Variants in LRP12 observed in about 807,000 individuals in gnomAD.
The protein encoded by LRP12 is low-density lipoprotein receptor-related protein 12.
In LRP12, 14 loss-of-function variants were observed where a neutral mutation model predicts 66.0. That is an observed-to-expected ratio of 0.21 (90% CI 0.14 to 0.33). The LOEUF is 0.33. Ranked by LOEUF, LRP12 falls within the 10% of genes least tolerant of loss-of-function variation. LRP12 has a pLI of 1.00. For missense variants in LRP12, 889 were observed against 1,053.4 expected (o/e 0.84, Z 2.16); for synonymous variants, 357 against 359.1 (o/e 0.99, Z 0.07).
intron 1 of LRP12, among the ~76,000 whole-genome samples, chr8:104,554,875 A>G (rs555583893): frequency 1.3e-5 from 2 of 152,318 alleles, no homozygotes; most frequent in African/African-American, 4.8e-5. Flanking sequence ...CTGTGAGGCA[A>G]AAGCATCAGG....
In LRP12 at chr8:104,548,188, A is replaced by ATAATATG. The variant is rs1554709908; in HGVS notation, c.80-16226_80-16225insCATATTA. ...TTATATATAATATAATATATAATATATATATAAATATATGATATATTTATA... is the reference window on the plus strand; with the variant it reads ...TTATATATAATATAATATATAATATATAATATGTATATAAATATATGATATATTTATA... On this transcript the variant is annotated intron_variant, in intron 1 of 6. Transcript: ENST00000276654. 2.2e-4 allele frequency among the ~76,000 whole-genome samples: 22 copies of ATAATATG among 102,092 alleles called. 1 individual carries two copies. The highest frequency in any genetic ancestry group is 1.0e-3 in the African/African-American group (22 of 21,582). The allele number at this position is 102,092 out of a possible 152,430, so 67.0% of individuals were successfully genotyped here.
At chr8:104,582,375 C>T (rs1439258019) in intron 1 of LRP12, among the ~76,000 whole-genome samples, 2 of 150,950 alleles carry the variant, frequency 1.3e-5, no homozygotes, top group Non-Finnish European at 2.9e-5. Flanking sequence ...TGTAAAGCTA[C>T]ACAATAAAAA....
chr8:104,520,108 A>T (rs1811125342), intron 2 of LRP12, among the ~76,000 whole-genome samples: 1 of 152,058 alleles, frequency 6.6e-6, no homozygotes, highest in African/African-American at 2.4e-5. Flanking sequence ...AGGAGAGCAA[A>T]GAAACTGAAT....
chr8:104,547,795 T>C (rs1450640663), intron 1 of LRP12, among the ~76,000 whole-genome samples: 12 of 129,006 alleles, frequency 9.3e-5, no homozygotes, highest in African/African-American at 1.4e-4. Flanking sequence ...AATATATAAT[T>C]ATATATTATA....
chr8:104,588,259 G>A (rs114392968), intron 1 of LRP12, among the ~76,000 whole-genome samples: 14 of 152,182 alleles, frequency 9.2e-5, no homozygotes, highest in African/African-American at 2.7e-4. Flanking sequence ...ACAGGACCCT[G>A]CACGCCCGGA....
intron 1 of LRP12, among the ~76,000 whole-genome samples, chr8:104,540,972 T>A (rs999948201): frequency 2.0e-5 from 3 of 152,154 alleles, no homozygotes; most frequent in Non-Finnish European, 2.9e-5. Context: ...GACCTCATGA[T>A]CCACCCGCCT....
At chr8:104,588,281 C>T (rs944731048) in intron 1 of LRP12, among the ~76,000 whole-genome samples, 5 of 151,868 alleles carry the variant, frequency 3.3e-5, no homozygotes, top group Admixed American at 3.3e-4. Context: ...TCGGCAGAGC[C>T]CTTGCCCCCG....
intron 1 of LRP12, among the ~76,000 whole-genome samples, chr8:104,563,550 T>A (rs1811947790): frequency 6.6e-6 from 1 of 152,116 alleles, no homozygotes; most frequent in Admixed American, 6.5e-5. Context: ...GTCTGAATAT[T>A]TGTATCCTTC....
chr8:104,571,561 T>C (rs1812080496), intron 1 of LRP12, among the ~76,000 whole-genome samples: 1 of 152,196 alleles, frequency 6.6e-6, no homozygotes, highest in Admixed American at 6.5e-5. Context: ...TGTCACCTTG[T>C]GAAGAAGGTG....
At chr8:104,539,708 TTC>T (rs1220001924) in intron 1 of LRP12, among the ~76,000 whole-genome samples, 1 of 152,040 alleles carries the variant, frequency 6.6e-6, no homozygotes, top group Non-Finnish European at 1.5e-5. Context: ...AGTTTTAAAT[TTC>T]TTTCTTAGTT....
At chr8:104,500,951 T>A (rs964607850) in intron 3 of LRP12, among the ~76,000 whole-genome samples, 1 of 152,242 alleles carries the variant, frequency 6.6e-6, no homozygotes, top group Admixed American at 6.5e-5. Context: ...ATTCTATTTT[T>A]AAAAATGTTT....
rs753553141 is a variant in LRP12, at chr8:104,495,225, GAAAGA to G, written c.1581-21_1581-17del. 1.9e-6 allele frequency: 3 copies of G among 1,597,834 alleles called. No homozygotes were observed. The highest frequency in any genetic ancestry group is 2.6e-6 in the Non-Finnish European group (3 of 1,173,288). On this transcript the variant is annotated splice_polypyrimidine_tract_variant and intron_variant, in intron 5 of 6. Transcript: ENST00000276654. ...TTCAAATGATCTTTGAGAGTAGATG[GAAAGA>G]AAAATGATTAAAAGGGGGAGCGAAG...
intron 3 of LRP12, chr8:104,504,998 C>G (rs926974328): frequency 1.3e-5 from 2 of 152,128 alleles, no homozygotes; most frequent in African/African-American, 2.4e-5. Flanking sequence ...AGCTCCAAAA[C>G]TAACCTTTTC....
chr8:104,521,671 T>C (rs1206327136), intron 2 of LRP12, among the ~76,000 whole-genome samples: 1 of 151,644 alleles, frequency 6.6e-6, no homozygotes, highest in Admixed American at 6.6e-5. Context: ...TTTCTTTATA[T>C]AAAGGATAGC....
intron 2 of LRP12, among the ~76,000 whole-genome samples, chr8:104,520,656 T>C (rs1468004126): frequency 6.6e-6 from 1 of 152,096 alleles, no homozygotes; most frequent in East Asian, 1.9e-4. Flanking sequence ...TTCTGGATAC[T>C]GTATTTCTAT....
In LRP12 at chr8:104,588,885, A is replaced by C; in HGVS notation, c.13T>G (p.Trp5Gly). The stretch of plus-strand genomic sequence containing the variant: ...CACCGCGGAGACTCTTTTGTGCTCC[A>C]GCGACAGGCCATAACCACAGCAGAT... Reference protein sequence around the residue: MACRWSTKESPRWRS... With the variant: MACRGSTKESPRWRS... The change falls in exon 1 of 7, where the codon TGG (tryptophan) becomes GGG (glycine). Residue 5 changes from tryptophan (W) to glycine (G), a missense_variant. By Grantham distance (184) the Trp-to-Gly change is radical (BLOSUM62 -2). Around this residue, in one of 3 missense-constraint regions of LRP12, gnomAD observed 88 missense variants for 72.5 expected, o/e 1.21. Transcript: ENST00000276654. The C allele has an allele frequency of 1.9e-6, 3 of 1,610,214 alleles. No individual in the cohort carries two copies. Among genetic ancestry groups the C allele is most frequent in the Non-Finnish European group, 1.7e-6 (2 of 1,178,570 alleles).
At chr8:104,544,100 A>C (rs1193382009) in intron 1 of LRP12, among the ~76,000 whole-genome samples, 1 of 152,194 alleles carries the variant, frequency 6.6e-6, no homozygotes, top group East Asian at 1.9e-4. Context: ...AAAGCAAAAC[A>C]ACCTTACTGT....
In LRP12 at chr8:104,537,200, G is replaced by A. The variant is rs1811403702; in HGVS notation, c.80-5237C>T. Among the ~76,000 whole-genome samples the A allele has an allele frequency of 2.6e-5, 4 of 152,058 alleles. No individual in the cohort carries two copies. The South Asian group carries it at 6.2e-4, about 24-fold the overall frequency. On this transcript the variant is annotated intron_variant, in intron 1 of 6. Coordinates refer to ENST00000276654, the MANE Select transcript of LRP12 (RefSeq NM_013437.5). ...ACTTCCTGGACTCTGGCATATTGAGGGAGAACCCAAGCAAAGCAGGGAGAT... is the reference window on the plus strand; with the variant it reads ...ACTTCCTGGACTCTGGCATATTGAGAGAGAACCCAAGCAAAGCAGGGAGAT...
rs71297288 is a variant in LRP12 at position 104,580,357 on chromosome 8, AT to A, written c.79+8461del. 3.4e-3 allele frequency among the ~76,000 whole-genome samples: 450 copies of A among 133,586 alleles called. 1 individual carries two copies. Among genetic ancestry groups the A allele is most frequent in the Middle Eastern group, 7.5e-3 (2 of 268 alleles). The allele number at this position is 133,586 out of a possible 152,430, so 87.6% of individuals were successfully genotyped here. ...CAGTGAAACCCTGTCTCTACTAAAA[AT>A]AAAAAAAAAAAAAAAAAAAAAATTA... On this transcript the variant is annotated intron_variant, in intron 1 of 6. Transcript: ENST00000276654.
Sources: gnomAD v4.1 joint callset for allele counts (sites outside exome capture counted in the v4.1 genomes callset) on GRCh38, gnomAD v4.1.1 for gene constraint, gnomAD v4.1.1 regional missense constraint, MANE v1.5 for transcripts, NCBI Gene and HGNC (gene_info 2026-07-23, HGNC 2026-07-21) for gene names.